The following PRKN variants were observed in gnomAD, a reference collection of about 807,000 sequenced individuals.
PRKN encodes parkin RBR E3 ubiquitin protein ligase.
In PRKN, 56 loss-of-function variants were observed where a neutral mutation model predicts 59.5. The ratio of observed to expected loss-of-function variants is 0.94; its 90% CI spans 0.76 to 1.18. The LOEUF (loss-of-function observed/expected upper bound fraction) is 1.18. Among genes scored for constraint, PRKN ranks in the 50% most tolerant of loss-of-function variants. The pLI, the probability that PRKN is intolerant of heterozygous loss-of-function variation, is 0.00. For synonymous variants in PRKN, 250 were observed against 222.1 expected, an observed-to-expected ratio of 1.13 and a Z score of -1.12; for missense variants, 657 against 596.4, an observed-to-expected ratio of 1.10 and a Z score of -1.06.
At chr6:161,950,451 G>A (rs1779944493) in intron 6 of PRKN, among the ~76,000 whole-genome samples, 1 of 152,142 alleles carries the variant, frequency 6.6e-6, no homozygotes, top group African/African-American at 2.4e-5. Context: ...GGCTGAGGCA[G>A]GAGACTCACT....
At chr6:162,400,712 G>A (rs188545329) in intron 2 of PRKN, among the ~76,000 whole-genome samples, 180 of 152,204 alleles carry the variant, frequency 1.2e-3, no homozygotes, top group Non-Finnish European at 2.2e-3. Context: ...AACCAGAAAA[G>A]GTAGATGGGT....
At chr6:162,692,586 T>A (rs1445489051) in intron 1 of PRKN, among the ~76,000 whole-genome samples, 3 of 145,264 alleles carry the variant, frequency 2.1e-5, no homozygotes, top group Non-Finnish European at 4.6e-5. Context: ...CCCAACAAAA[T>A]CCTTGACCAC....
chr6:162,315,219 C>T (rs1458548960), intron 2 of PRKN, among the ~76,000 whole-genome samples: 1 of 152,150 alleles, frequency 6.6e-6, no homozygotes, highest in Non-Finnish European at 1.5e-5. Flanking sequence ...TAACGACCGA[C>T]TTCCTATGTG....
chr6:162,568,600 C>A, intron 1 of PRKN: 1 of 873,606 alleles, frequency 1.1e-6, no homozygotes, highest in Non-Finnish European at 1.9e-6. Context: ...CAGATCAGGA[C>A]CCTCAACAAC....
At chr6:162,333,396 C>G (rs1783678270) in intron 2 of PRKN, among the ~76,000 whole-genome samples, 2 of 152,046 alleles carry the variant, frequency 1.3e-5, no homozygotes, top group South Asian at 4.1e-4. Flanking sequence ...CCACAGGAGA[C>G]ATTTTGCCAA....
At position 161,722,001 on chromosome 6, in the gene PRKN, G is replaced by A. The variant is rs563536648; in HGVS notation, c.871+63771C>T. Among the ~76,000 whole-genome samples the A allele has an allele frequency of 2.7e-3, 404 of 152,230 alleles. 4 individuals are homozygous for A. The highest frequency in any genetic ancestry group is 0.02 in the Middle Eastern group (6 of 294). ...TAATTTTTTCCACTCAGACTCACAG[G>A]GAGGGAATCCATTGAAAGCACCAAT... On this transcript the variant is annotated intron_variant, in intron 7 of 11. Coordinates refer to ENST00000366898, the MANE Select transcript of PRKN (RefSeq NM_004562.3).
At chr6:162,360,090 T>TGTGG (rs1334165988) in intron 2 of PRKN, among the ~76,000 whole-genome samples, 1 of 152,006 alleles carries the variant, frequency 6.6e-6, no homozygotes, top group Admixed American at 6.6e-5. Flanking sequence ...TGTGTGTGTG[T>TGTGG]GTGGGTGGGT....
intron 7 of PRKN, among the ~76,000 whole-genome samples, chr6:161,706,109 C>G (rs571783745): frequency 6.6e-6 from 1 of 152,022 alleles, no homozygotes; most frequent in Non-Finnish European, 1.5e-5. Context: ...CCTTTCCCCC[C>G]ACATCCTCAA....
intron 7 of PRKN, among the ~76,000 whole-genome samples, chr6:161,651,215 T>C (rs1229605460): frequency 1.3e-5 from 2 of 152,190 alleles, no homozygotes; most frequent in African/African-American, 4.8e-5. Flanking sequence ...ACTAATTAGG[T>C]TCCAATTAGC....
At chr6:161,751,323 T>C (rs1195108467) in intron 7 of PRKN, among the ~76,000 whole-genome samples, 3 of 152,200 alleles carry the variant, frequency 2.0e-5, no homozygotes, top group Non-Finnish European at 2.9e-5. Flanking sequence ...TTCCTTCACA[T>C]TTCCTATCAA....
intron 6 of PRKN, among the ~76,000 whole-genome samples, chr6:161,864,123 A>G (rs1229316657): frequency 6.6e-6 from 1 of 152,130 alleles, no homozygotes; most frequent in Admixed American, 6.5e-5. Flanking sequence ...TGGCCCCATC[A>G]TTTGACTCCT....
intron 1 of PRKN, among the ~76,000 whole-genome samples, chr6:162,720,382 A>T (rs1412164812): frequency 4.6e-5 from 7 of 152,012 alleles, no homozygotes; most frequent in Non-Finnish European, 1.5e-5. Context: ...AATTGGAGAG[A>T]ATCATCAAGA....
intron 7 of PRKN, among the ~76,000 whole-genome samples, chr6:161,692,299 C>T (rs1785829720): frequency 6.6e-6 from 1 of 152,136 alleles, no homozygotes; most frequent in Admixed American, 6.5e-5. Context: ...AACCCAACTC[C>T]TTCTTACTAA....
At chr6:161,800,238 C>G (rs140156103) in intron 6 of PRKN, among the ~76,000 whole-genome samples, 451 of 152,142 alleles carry the variant, frequency 3.0e-3, no homozygotes, top group Non-Finnish European at 4.9e-3. Flanking sequence ...GGAGAGGCAA[C>G]GACAGGTAGA....
intron 6 of PRKN, among the ~76,000 whole-genome samples, chr6:161,841,076 C>G (rs1490911150): frequency 1.3e-5 from 2 of 152,112 alleles, no homozygotes; most frequent in Non-Finnish European, 2.9e-5. Context: ...GTGTGTATAC[C>G]AAAAGGAATA....
rs1787998807 is a variant in PRKN at position 161,419,623 on chromosome 6, A to T, written c.1084-32746T>A. Among the ~76,000 whole-genome samples, 1 of 151,658 alleles carries T rather than the reference A, an allele frequency of 6.6e-6. No homozygotes were observed. The highest frequency in any genetic ancestry group is 1.5e-5 in the Non-Finnish European group (1 of 67,954). On this transcript the variant is annotated intron_variant, in intron 9 of 11. Transcript: ENST00000366898. This position sits in a 1 kb window ranked among gnomAD's most constrained non-coding sequence, Gnocchi z 4.1. ...GGCTGGTCTCAAACTCCTGACCTCA[A>T]GTGATCTGCCCACCTCTGCCTCCCA...
intron 7 of PRKN, among the ~76,000 whole-genome samples, chr6:161,633,144 C>A (rs1413250463): frequency 6.6e-6 from 1 of 152,068 alleles, no homozygotes; most frequent in Non-Finnish European, 1.5e-5. Flanking sequence ...AAATACCTTT[C>A]AGAAAAAATG....
At chr6:162,641,739 A>C (rs1304003438) in intron 1 of PRKN, among the ~76,000 whole-genome samples, 1 of 152,196 alleles carries the variant, frequency 6.6e-6, no homozygotes, top group Non-Finnish European at 1.5e-5. Context: ...CCAATTTATC[A>C]TTTTAACATA....
chr6:162,569,149 G>C, intron 1 of PRKN: 1 of 616,060 alleles, frequency 1.6e-6, no homozygotes, highest in South Asian at 1.6e-5. Context: ...GAGGCTAAGA[G>C]CATGTACCAG....
Sources: gnomAD v4.1 joint callset for allele counts (sites outside exome capture counted in the v4.1 genomes callset) on GRCh38, gnomAD v4.1.1 for gene constraint, Gnocchi (gnomAD v3.1) non-coding constraint, MANE v1.5 for transcripts, NCBI Gene and HGNC (gene_info 2026-07-23, HGNC 2026-07-21) for gene names.